Variants in AFF3 observed in about 807,000 individuals in gnomAD.
AFF3 encodes the protein AF4/FMR2 family member 3.
A neutral mutation model predicts 129.7 loss-of-function variants in AFF3; 32 were observed. That is an observed-to-expected ratio of 0.25 (90% CI 0.19 to 0.33). The LOEUF (loss-of-function observed/expected upper bound fraction) is 0.33, where lower values mean the gene tolerates loss of function less well. Among genes scored for constraint, AFF3 ranks in the 10% least tolerant of loss-of-function variants. AFF3 has a pLI of 1.00. For synonymous variants in AFF3, 644 were observed against 635.4 expected (o/e 1.01, Z -0.20); for missense variants, 1,373 against 1,592.0 (o/e 0.86, Z 2.34).
At chr2:100,057,572 C>G (rs954671102) in intron 4 of AFF3, among the ~76,000 whole-genome samples, 5 of 152,190 alleles carry the variant, frequency 3.3e-5, no homozygotes, top group African/African-American at 9.7e-5. Flanking sequence ...ACTCCCTCAA[C>G]CCCTCCACAG....
intron 11 of AFF3, among the ~76,000 whole-genome samples, chr2:99,705,843 C>G (rs1413808543): frequency 1.4e-5 from 2 of 138,864 alleles, no homozygotes; most frequent in Non-Finnish European, 3.0e-5. Flanking sequence ...CATTGTACTC[C>G]AGCCTGGGTG....
intron 12 of AFF3, among the ~76,000 whole-genome samples, chr2:99,664,470 G>A (rs1211567589): frequency 6.6e-6 from 1 of 152,232 alleles, no homozygotes; most frequent in African/African-American, 2.4e-5. Context: ...AATATAGCTT[G>A]ATGTAAGCAT....
chr2:99,794,449 T>C (rs78948760), intron 8 of AFF3, among the ~76,000 whole-genome samples: 11,282 of 152,244 alleles, frequency 0.074, 739 homozygotes, highest in Non-Finnish European at 0.1. Flanking sequence ...TAACAGGGTC[T>C]TTCCATTAAG....
chr2:99,754,775 C>T (rs1488432142), intron 8 of AFF3, among the ~76,000 whole-genome samples: 2 of 152,172 alleles, frequency 1.3e-5, no homozygotes, highest in Admixed American at 6.5e-5. Context: ...AACTGTCCTC[C>T]TGATCTTCGT....
At chr2:99,721,739 G>A (rs1431067208) in intron 11 of AFF3, among the ~76,000 whole-genome samples, 2 of 152,124 alleles carry the variant, frequency 1.3e-5, no homozygotes, top group Non-Finnish European at 2.9e-5. Flanking sequence ...TTCCCATAAT[G>A]TTCCACGGTG....
rs1227507054 is a variant in AFF3, at chr2:99,777,503, T to C, written c.922-25202A>G. Among the ~76,000 whole-genome samples the C allele has an allele frequency of 4.6e-5, 7 of 151,352 alleles. No homozygotes were observed. The East Asian group carries it at 1.4e-3, about 30-fold the overall frequency. On this transcript the variant is annotated intron_variant, in intron 8 of 24. Coordinates refer to ENST00000672756, the MANE Select transcript of AFF3 (RefSeq NM_001386135.1). Reference sequence around the variant, plus strand: ...GGCTCAGATGCTGAGTCATGGGGAGTGGTCTTTGGGCTTTTCTCAAAGGAG... The same window carrying C: ...GGCTCAGATGCTGAGTCATGGGGAGCGGTCTTTGGGCTTTTCTCAAAGGAG...
chr2:99,687,027 A>G (rs1675129920), intron 11 of AFF3, among the ~76,000 whole-genome samples: 1 of 152,232 alleles, frequency 6.6e-6, no homozygotes, highest in Admixed American at 6.5e-5. Flanking sequence ...TCCCTTAGGG[A>G]GCTCCAGTCT....
At chr2:99,572,967 C>T (rs1399820172) in intron 18 of AFF3, among the ~76,000 whole-genome samples, 1 of 152,164 alleles carries the variant, frequency 6.6e-6, no homozygotes. Flanking sequence ...CACAAGCGGT[C>T]ATTCACTGTT....
At chr2:99,905,641 T>A (rs894447628) in intron 7 of AFF3, among the ~76,000 whole-genome samples, 1 of 152,188 alleles carries the variant, frequency 6.6e-6, no homozygotes, top group Non-Finnish European at 1.5e-5. Flanking sequence ...GAATTTTATA[T>A]TTCAAAAACT....
intron 8 of AFF3, among the ~76,000 whole-genome samples, chr2:99,774,156 C>G (rs1013136141): frequency 6.6e-6 from 1 of 152,204 alleles, no homozygotes; most frequent in Non-Finnish European, 1.5e-5. Flanking sequence ...AATGGCCACA[C>G]TGCCCAAAGC....
chr2:99,628,947 C>T (rs1682865089), intron 13 of AFF3, among the ~76,000 whole-genome samples: 1 of 152,082 alleles, frequency 6.6e-6, no homozygotes, highest in African/African-American at 2.4e-5. Context: ...GTCTCAAACT[C>T]CTGACCTCAG....
intron 8 of AFF3, among the ~76,000 whole-genome samples, chr2:99,815,705 G>GTT (rs112496330): frequency 2.1e-5 from 3 of 142,088 alleles, no homozygotes; most frequent in South Asian, 2.2e-4. Flanking sequence ...TGGGTTGAGA[G>GTT]TTTTTTTTTT....
chr2:99,577,698 A>G (rs1677132970), intron 18 of AFF3, among the ~76,000 whole-genome samples: 1 of 152,188 alleles, frequency 6.6e-6, no homozygotes, highest in African/African-American at 2.4e-5. Context: ...TTTCAGCATC[A>G]TTTTATCATT....
chr2:99,623,709 T>A (rs879855445), intron 13 of AFF3, among the ~76,000 whole-genome samples: 2 of 152,230 alleles, frequency 1.3e-5, no homozygotes, highest in African/African-American at 2.4e-5. Flanking sequence ...GCCCTTGTGC[T>A]GTCAGCTTGG....
At chr2:99,735,542 G>T (rs1680182936) in intron 10 of AFF3, among the ~76,000 whole-genome samples, 2 of 152,138 alleles carry the variant, frequency 1.3e-5, no homozygotes, top group Admixed American at 1.3e-4. Context: ...ATCCAGGCTG[G>T]AGTGCAGAGG....
chr2:99,734,851 A>G (rs538430940), intron 10 of AFF3, among the ~76,000 whole-genome samples: 80 of 152,126 alleles, frequency 5.3e-4, no homozygotes, highest in African/African-American at 1.8e-3. Flanking sequence ...TGGCTTGTCA[A>G]GTTTTGATAT....
intron 7 of AFF3, among the ~76,000 whole-genome samples, chr2:99,840,362 ATT>A (rs1689226952): frequency 6.6e-6 from 1 of 152,074 alleles, no homozygotes; most frequent in Non-Finnish European, 1.5e-5. Context: ...GGTGAAGTTT[ATT>A]TTCTTGTGGA....
intron 13 of AFF3, among the ~76,000 whole-genome samples, chr2:99,641,388 T>C (rs1026422287): frequency 2.0e-5 from 3 of 152,096 alleles, no homozygotes; most frequent in African/African-American, 7.2e-5. Flanking sequence ...CTTTAGAAGA[T>C]GAAATGAGGC....
At chr2:100,123,704 C>G in intron 2 of AFF3, among the ~76,000 whole-genome samples, 1 of 152,236 alleles carries the variant, frequency 6.6e-6, no homozygotes, top group East Asian at 1.9e-4. Context: ...AGCAAAATAT[C>G]CTAGCAGACA....
Sources: gnomAD v4.1 joint callset for allele counts (sites outside exome capture counted in the v4.1 genomes callset) on GRCh38, gnomAD v4.1.1 for gene constraint, MANE v1.5 for transcripts, NCBI Gene and HGNC (gene_info 2026-07-23, HGNC 2026-07-21) for gene names.